DNAAF11: variants seen among roughly 807,000 people sequenced by gnomAD.
DNAAF11 encodes dynein axonemal assembly factor 11, also known as leucine rich repeat containing 6.
In DNAAF11, 45 loss-of-function variants were observed where a neutral mutation model predicts 60.8. The ratio of observed to expected loss-of-function variants is 0.74; its 90% CI spans 0.58 to 0.95. DNAAF11 has a LOEUF of 0.95. DNAAF11 is among the 40% of genes least tolerant of loss of function. The pLI, the probability that DNAAF11 is intolerant of heterozygous loss-of-function variation, is 0.00. For synonymous variants in DNAAF11, 191 were observed against 183.5 expected (o/e 1.04, Z -0.33); for missense variants, 546 against 546.2 (o/e 1.00, Z 0.00).
intron 10 of DNAAF11, among the ~76,000 whole-genome samples, chr8:132,587,855 G>A (rs1048150829): frequency 6.6e-6 from 1 of 152,140 alleles, no homozygotes; most frequent in Non-Finnish European, 1.5e-5. Flanking sequence ...GAGGCAGTAC[G>A]AGAGTTCACT....
the DNAAF11 span, among the ~76,000 whole-genome samples, chr8:132,699,086 A>C: frequency 6.6e-6 from 1 of 151,366 alleles, no homozygotes; most frequent in South Asian, 2.1e-4. Flanking sequence ...CTGAGATCAC[A>C]CCACTGCACT....
chr8:132,687,877 T>G, the DNAAF11 span, among the ~76,000 whole-genome samples: 1 of 152,148 alleles, frequency 6.6e-6, no homozygotes, highest in Non-Finnish European at 1.5e-5. Context: ...AACTGCATGG[T>G]TTTCTTAGCT....
At position 132,572,220 on chromosome 8, in the gene DNAAF11, AT is replaced by A. The variant is rs1814261986; in HGVS notation, c.*85del. On this transcript the variant is annotated 3_prime_UTR_variant, in exon 12 of 12. Transcript: ENST00000620350. Reference sequence around the variant, plus strand: ...GATATTGACAAATAACTCTGTGTTTATCCCAGGAATAATATGCATATGGTCT... The same window carrying A: ...GATATTGACAAATAACTCTGTGTTTACCCAGGAATAATATGCATATGGTCT... The A allele has an allele frequency of 2.8e-6, 3 of 1,085,010 alleles. No individual in the cohort carries two copies. Among genetic ancestry groups the A allele is most frequent in the Non-Finnish European group, 4.0e-6 (3 of 756,764 alleles). 67.2% of individuals were successfully genotyped at this position (1,085,010 alleles called of 1,614,324 possible). A position where few individuals can be genotyped will look rare whatever the true frequency, so the allele number is the denominator to read the frequency against.
upstream of DNAAF11, among the ~76,000 whole-genome samples, chr8:132,680,526 G>A (rs188307253): frequency 7.1e-4 from 108 of 151,856 alleles, no homozygotes; most frequent in Middle Eastern, 3.4e-3. Flanking sequence ...TTTATGATAT[G>A]TAACCAATAT....
intron 7 of DNAAF11, among the ~76,000 whole-genome samples, chr8:132,619,279 C>A (rs1028400719): frequency 4.7e-5 from 7 of 149,318 alleles, no homozygotes; most frequent in Non-Finnish European, 1.0e-4. Context: ...AGGGGAACAT[C>A]ACACTCTGGG....
chr8:132,651,257 A>G (rs1314599102), intron 3 of DNAAF11, among the ~76,000 whole-genome samples: 1 of 151,766 alleles, frequency 6.6e-6, no homozygotes, highest in Non-Finnish European at 1.5e-5. Context: ...ACCCTGGTGA[A>G]TCTTCAACAG....
chr8:132,596,415 T>A (rs977221438), intron 10 of DNAAF11, among the ~76,000 whole-genome samples: 1 of 152,294 alleles, frequency 6.6e-6, no homozygotes, highest in East Asian at 1.9e-4. Flanking sequence ...CAGTTCCCCA[T>A]AGAAGATCAT....
chr8:132,612,867 A>C (rs1220002483), intron 8 of DNAAF11, among the ~76,000 whole-genome samples: 1 of 152,226 alleles, frequency 6.6e-6, no homozygotes, highest in Non-Finnish European at 1.5e-5. Context: ...TACTACATAG[A>C]CTGGAGAAAT....
chr8:132,675,152 C>T, intron 1 of DNAAF11: 1 of 340,756 alleles, frequency 2.9e-6, no homozygotes, highest in Non-Finnish European at 5.3e-6. Flanking sequence ...GCCACTTGGC[C>T]GGAACGTGGT....
chr8:132,641,290 T>C (rs1821829546), intron 3 of DNAAF11, among the ~76,000 whole-genome samples: 1 of 152,224 alleles, frequency 6.6e-6, no homozygotes, highest in Non-Finnish European at 1.5e-5. Context: ...TGGTTCCTTT[T>C]ATGGTCATCA....
chr8:132,615,057 G>A lies in DNAAF11; in HGVS notation c.955C>T (p.Leu319=). 1.2e-6 allele frequency: 2 copies of A among 1,606,686 alleles called. No individual in the cohort carries two copies. The highest frequency in any genetic ancestry group is 1.7e-6 in the Non-Finnish European group (2 of 1,174,024). Residue 319 remains leucine, a synonymous_variant, in exon 8 of 12, where the codon CTG becomes TTG. Coordinates refer to ENST00000620350, the MANE Select transcript of DNAAF11 (RefSeq NM_012472.6). ...CTTTACCTATAGACAGCAAGGTCCAGGATGATCTGCTTTTCGTTATCTTTC... is the reference window on the plus strand; with the variant it reads ...CTTTACCTATAGACAGCAAGGTCCAAGATGATCTGCTTTTCGTTATCTTTC... ...SLKDNEKQII[L]DLAVYRYMDT...
At chr8:132,674,045 G>A (rs187147712) in intron 1 of DNAAF11, among the ~76,000 whole-genome samples, 28 of 146,764 alleles carry the variant, frequency 1.9e-4, no homozygotes, top group Admixed American at 1.7e-3. Context: ...AGCAGGAGCA[G>A]AAGGAGCAGG....
chr8:132,645,545 G>A (rs1276399868), intron 3 of DNAAF11, among the ~76,000 whole-genome samples: 1 of 152,148 alleles, frequency 6.6e-6, no homozygotes, highest in Non-Finnish European at 1.5e-5. Context: ...AAAATTCTCT[G>A]AGCTAAAGGA....
At chr8:132,664,438 T>C (rs983599260) in intron 1 of DNAAF11, among the ~76,000 whole-genome samples, 1 of 152,192 alleles carries the variant, frequency 6.6e-6, no homozygotes, top group African/African-American at 2.4e-5. Context: ...AATATCCTTG[T>C]AGTATTCTCT....
At chr8:132,681,873 G>A in the DNAAF11 span, among the ~76,000 whole-genome samples, 1 of 152,122 alleles carries the variant, frequency 6.6e-6, no homozygotes, top group Non-Finnish European at 1.5e-5. Flanking sequence ...CCACCGTTGA[G>A]GGCTCAAGTA....
chr8:132,601,818 T>C (rs1817652295), intron 10 of DNAAF11, among the ~76,000 whole-genome samples: 1 of 152,148 alleles, frequency 6.6e-6, no homozygotes, highest in African/African-American at 2.4e-5. Flanking sequence ...ATATACCTAA[T>C]GTAGATGATG....
intron 3 of DNAAF11, among the ~76,000 whole-genome samples, chr8:132,647,059 T>C (rs937350542): frequency 2.0e-5 from 3 of 152,148 alleles, no homozygotes; most frequent in South Asian, 2.1e-4. Flanking sequence ...CAGCACCACA[T>C]CACCCTTATT....
chr8:132,678,902 A>G (rs540440932), upstream of DNAAF11, among the ~76,000 whole-genome samples: 2 of 152,216 alleles, frequency 1.3e-5, no homozygotes, highest in South Asian at 4.1e-4. Context: ...GTGAAATTTT[A>G]TATCTGTGGG....
chr8:132,652,152 T>C lies in DNAAF11; in HGVS notation c.256+4678A>G, dbSNP rs150067288. Reference sequence around the variant, plus strand: ...TGGCATTGGGGTGGGGAGAGCAGCTTGTCTGCCTCTATTCCATGGCCCTGC... The same window carrying C: ...TGGCATTGGGGTGGGGAGAGCAGCTCGTCTGCCTCTATTCCATGGCCCTGC... On this transcript the variant is annotated intron_variant, in intron 3 of 11. Transcript: ENST00000620350. Among the ~76,000 whole-genome samples the C allele has an allele frequency of 7.7e-4, 117 of 152,306 alleles. 2 individuals carry two copies. In the East Asian group the frequency reaches 0.015, roughly 19 times the overall value.
Sources: allele counts gnomAD v4.1 joint callset (sites outside exome capture counted in the v4.1 genomes callset), GRCh38; gene constraint gnomAD v4.1.1; transcripts MANE v1.5; gene names NCBI Gene and HGNC (gene_info 2026-07-23, HGNC 2026-07-21).